The following DOCK7 variants were observed in gnomAD, a reference collection of about 807,000 sequenced individuals.
DOCK7 encodes dedicator of cytokinesis 7.
Under a neutral mutation model 271.0 loss-of-function variants are expected in DOCK7, and 138 were observed. The ratio of observed to expected loss-of-function variants is 0.51; its 90% CI spans 0.44 to 0.59. The LOEUF is 0.59. Ranked by LOEUF, DOCK7 falls within the 20% of genes least tolerant of loss-of-function variation. DOCK7 has a pLI of 0.00. For synonymous variants in DOCK7, 823 were observed against 876.1 expected (o/e 0.94, Z 1.07); for missense variants, 2,066 against 2,592.4 (o/e 0.80, Z 4.41).
intron 7 of DOCK7, chr1:62,641,292 C>T: frequency 2.4e-6 from 1 of 421,210 alleles, no homozygotes; most frequent in Non-Finnish European, 4.7e-6. Context: ...TACTTCCAGC[C>T]AACACCATGA....
Position 62,537,809 on chromosome 1 carries a change from TAA to T in DOCK7, c.3471+80_3471+81del, listed in dbSNP as rs1249707941. The T allele has an allele frequency of 6.3e-6, 8 of 1,266,644 alleles. No homozygotes were observed. In the East Asian group the frequency reaches 1.9e-4, roughly 30 times the overall value. 78.5% of individuals were successfully genotyped at this position (1,266,644 alleles called of 1,614,324 possible). ...AGCCTATCATACAGCTGTTATTCAA[TAA>T]GTGTTATTTTTTCCATTGTTTAAAA... On this transcript the variant is annotated intron_variant, in intron 28 of 49. Coordinates refer to ENST00000635253, the MANE Select transcript of DOCK7 (RefSeq NM_001367561.1).
chr1:62,475,103 AG>A, intron 47 of DOCK7, 104 bp downstream of exon 47: 1 of 1,290,464 alleles, frequency 7.7e-7, no homozygotes, highest in Non-Finnish European at 1.0e-6. Context: ...CAGGCAGTAG[AG>A]AAGGCAGATC....
At chr1:62,675,281 T>C (rs1185347636) in intron 1 of DOCK7, among the ~76,000 whole-genome samples, 3 of 152,076 alleles carry the variant, frequency 2.0e-5, no homozygotes, top group Non-Finnish European at 4.4e-5. Flanking sequence ...CGTGGGCCTA[T>C]AGTCCCAGCT....
intron 12 of DOCK7, among the ~76,000 whole-genome samples, chr1:62,622,223 A>G (rs547253918): frequency 4.6e-5 from 7 of 152,332 alleles, no homozygotes; most frequent in South Asian, 4.1e-4. Flanking sequence ...AAGTCAGCCT[A>G]TATTAGCTGA....
intron 7 of DOCK7, among the ~76,000 whole-genome samples, chr1:62,639,964 T>A (rs1226238911): frequency 6.6e-6 from 1 of 151,370 alleles, no homozygotes; most frequent in African/African-American, 2.4e-5. Context: ...GCAAAAAAAA[T>A]GAATGCCACA....
intron 1 of DOCK7, among the ~76,000 whole-genome samples, chr1:62,665,760 A>G (rs1350748045): frequency 6.8e-6 from 1 of 146,378 alleles, no homozygotes; most frequent in Admixed American, 6.9e-5. Flanking sequence ...TAAACTTTCT[A>G]CCTCCCTCAT....
rs187494055 is a variant in DOCK7, at chr1:62,599,571, T to A, written c.1683-12947A>T. The stretch of plus-strand genomic sequence containing the variant: ...TATCTCTTCTATTCCTGCACTAAAA[T>A]GTAAGCTCTGTGAATACAGGGATTT... On this transcript the variant is annotated intron_variant, in intron 14 of 49. Transcript: ENST00000635253. 1.1e-4 allele frequency among the ~76,000 whole-genome samples: 16 copies of A among 152,232 alleles called. No individual in the cohort carries two copies. The South Asian group carries it at 3.3e-3, about 32-fold the overall frequency.
At chr1:62,465,766 G>T (rs914555128) in intron 48 of DOCK7, among the ~76,000 whole-genome samples, 4 of 152,224 alleles carry the variant, frequency 2.6e-5, no homozygotes, top group Admixed American at 6.5e-5. Context: ...TGGCCAGGCT[G>T]GTCTTGAACT....
intron 14 of DOCK7, among the ~76,000 whole-genome samples, chr1:62,589,470 AT>A (rs941232875): frequency 1.5e-4 from 23 of 151,136 alleles, no homozygotes; most frequent in East Asian, 5.8e-4. Flanking sequence ...CCAGACTCTT[AT>A]TTTTTTTTCC....
At chr1:62,653,521 C>T (rs1430221234) in intron 4 of DOCK7, among the ~76,000 whole-genome samples, 2 of 152,032 alleles carry the variant, frequency 1.3e-5, no homozygotes, top group East Asian at 1.9e-4. Flanking sequence ...ATACTATTTT[C>T]CCATGAATTA....
rs749495622 is a variant in DOCK7, at chr1:62,607,354, G to A, written c.1682+11352C>T. On this transcript the variant is annotated intron_variant, in intron 14 of 49. Coordinates refer to ENST00000635253, the MANE Select transcript of DOCK7 (RefSeq NM_001367561.1). ...TCCCAGTCACAGAAGCCTGGAACCC[G>A]GAAGACATCTCTGGCTTTTCACTCA... is the stretch of plus-strand genomic sequence containing the variant. 7.4e-4 allele frequency among the ~76,000 whole-genome samples: 113 copies of A among 152,244 alleles called. 1 individual carries two copies. Among genetic ancestry groups the A allele is most frequent in the African/African-American group, 1.4e-3 (60 of 41,532 alleles).
At chr1:62,679,789 T>C (rs1266040298) in intron 1 of DOCK7, among the ~76,000 whole-genome samples, 2 of 152,210 alleles carry the variant, frequency 1.3e-5, no homozygotes, top group East Asian at 3.8e-4. Flanking sequence ...CATTCACAAT[T>C]GCTTCAAAGA....
intron 1 of DOCK7, among the ~76,000 whole-genome samples, chr1:62,680,408 C>G (rs1168118): frequency 6.6e-6 from 1 of 151,496 alleles, no homozygotes; most frequent in Non-Finnish European, 1.5e-5. Flanking sequence ...TAAAGACTTA[C>G]ATGTTAAACC....
intron 3 of DOCK7, 27 bp downstream of exon 3, chr1:62,653,957 G>A (rs200989222): frequency 4.4e-6 from 7 of 1,602,002 alleles, no homozygotes; most frequent in Non-Finnish European, 5.1e-6. Context: ...TTCCTCTAAA[G>A]CCAAAAATAA....
At chr1:62,671,132 C>G (rs992404055) in intron 1 of DOCK7, among the ~76,000 whole-genome samples, 1 of 152,102 alleles carries the variant, frequency 6.6e-6, no homozygotes, top group African/African-American at 2.4e-5. Context: ...ACTCTGAACA[C>G]ATCTGAACAT....
chr1:62,519,583 TATG>T (rs1286611615), intron 31 of DOCK7, among the ~76,000 whole-genome samples: 3 of 152,074 alleles, frequency 2.0e-5, no homozygotes, highest in Admixed American at 6.6e-5. Flanking sequence ...ACCTATTGAT[TATG>T]ATAAACTTGT....
intron 42 of DOCK7, chr1:62,487,691 T>A (rs1036808603): frequency 1.8e-5 from 6 of 331,086 alleles, no homozygotes; most frequent in African/African-American, 6.3e-5. Context: ...TTAAGTAAGA[T>A]CTCTAACTAA....
At chr1:62,549,643 TAC>T (rs1389145609) in intron 22 of DOCK7, among the ~76,000 whole-genome samples, 1 of 152,200 alleles carries the variant, frequency 6.6e-6, no homozygotes, top group Non-Finnish European at 1.5e-5. Context: ...TCCTTTGTGA[TAC>T]AAAGAATCAA....
chr1:62,644,752 A>G (rs894919738), intron 7 of DOCK7, among the ~76,000 whole-genome samples: 5 of 152,340 alleles, frequency 3.3e-5, no homozygotes, highest in Admixed American at 2.0e-4. Flanking sequence ...ATAGTTAGCT[A>G]AAGTAAAGCT....
Sources: allele counts gnomAD v4.1 joint callset (sites outside exome capture counted in the v4.1 genomes callset), GRCh38; gene constraint gnomAD v4.1.1; transcripts MANE v1.5; gene names NCBI Gene and HGNC (gene_info 2026-07-23, HGNC 2026-07-21).